CDKAL1: variants seen among roughly 807,000 people sequenced by gnomAD.
CDKAL1 encodes CDKAL1 threonylcarbamoyladenosine tRNA methylthiotransferase, also known as threonylcarbamoyladenosine tRNA methylthiotransferase.
CDKAL1 carries 32 observed loss-of-function variants against 68.2 expected under a neutral mutation model. The observed-to-expected ratio is 0.47, with a 90% CI of 0.35 to 0.63. The LOEUF is 0.63. Among genes scored for constraint, CDKAL1 ranks in the 30% least tolerant of loss-of-function variants. The probability of loss-of-function intolerance (pLI) is 0.00; values close to 1 mark genes in which losing one functional copy is unlikely to be tolerated. For missense variants in CDKAL1, 606 were observed against 696.7 expected, an observed-to-expected ratio of 0.87 and a Z score of 1.47; for synonymous variants, 234 against 244.3, an observed-to-expected ratio of 0.96 and a Z score of 0.39.
intron 5 of CDKAL1, among the ~76,000 whole-genome samples, chr6:20,665,385 C>T (rs1055438328): frequency 7.2e-5 from 11 of 152,030 alleles, no homozygotes; most frequent in African/African-American, 2.2e-4. Context: ...AATGCTTAGG[C>T]ACAAATATAC....
At chr6:20,970,845 T>C (rs1372962493) in intron 10 of CDKAL1, among the ~76,000 whole-genome samples, 1 of 152,154 alleles carries the variant, frequency 6.6e-6, no homozygotes, top group Admixed American at 6.5e-5. Context: ...TTCTGTTTTT[T>C]GTTTTGTTTT....
chr6:21,040,134 T>C (rs1420458390), intron 11 of CDKAL1, among the ~76,000 whole-genome samples: 1 of 152,232 alleles, frequency 6.6e-6, no homozygotes, highest in Non-Finnish European at 1.5e-5. Flanking sequence ...AATTTATGCA[T>C]GTGGATAGAC....
intron 12 of CDKAL1, among the ~76,000 whole-genome samples, chr6:21,086,264 A>C (rs1407331292): frequency 1.3e-5 from 2 of 152,212 alleles, no homozygotes; most frequent in African/African-American, 4.8e-5. Context: ...TGCTTCTTAA[A>C]TATTGTATCT....
At chr6:20,750,219 G>A (rs1773856032) in intron 6 of CDKAL1, among the ~76,000 whole-genome samples, 2 of 152,060 alleles carry the variant, frequency 1.3e-5, no homozygotes, top group African/African-American at 4.8e-5. Context: ...GGGACTGCAG[G>A]CACATGCCAC....
intron 9 of CDKAL1, among the ~76,000 whole-genome samples, chr6:20,868,151 A>ATT (rs1760007382): frequency 6.6e-6 from 1 of 152,220 alleles, no homozygotes; most frequent in Non-Finnish European, 1.5e-5. Context: ...GCATATAAAA[A>ATT]GGGAAATATC....
intron 9 of CDKAL1, among the ~76,000 whole-genome samples, chr6:20,924,572 G>A (rs1051923647): frequency 6.6e-6 from 1 of 152,210 alleles, no homozygotes; most frequent in Admixed American, 6.5e-5. Context: ...CTAGATAGAC[G>A]ATCAAACCAA....
intron 5 of CDKAL1, among the ~76,000 whole-genome samples, chr6:20,661,520 T>C (rs1769282824): frequency 6.6e-6 from 1 of 152,094 alleles, no homozygotes; most frequent in Non-Finnish European, 1.5e-5. Flanking sequence ...AATATTATCA[T>C]GTGATGTATG....
chr6:21,151,124 T>C (rs1776393236), intron 13 of CDKAL1, among the ~76,000 whole-genome samples: 2 of 152,154 alleles, frequency 1.3e-5, no homozygotes, highest in Non-Finnish European at 2.9e-5. Context: ...ACAATTTTAT[T>C]AGGGGTAGGA....
chr6:20,905,755 T>G (rs1762202902), intron 9 of CDKAL1, among the ~76,000 whole-genome samples: 1 of 151,980 alleles, frequency 6.6e-6, no homozygotes, highest in Non-Finnish European at 1.5e-5. Context: ...CTCAGAAACC[T>G]TGGAGCCCAG....
Position 21,232,020 on chromosome 6 carries a change from T to C in CDKAL1, c.*981T>C, listed in dbSNP as rs1243815658. On this transcript the variant is annotated 3_prime_UTR_variant, in exon 16 of 16. Coordinates refer to ENST00000274695, the MANE Select transcript of CDKAL1 (RefSeq NM_017774.3). ...TTTTTTTTGTTTTTGTTTTTTTTTT[T>C]TTTTGAGTCAAGGTCTCACTCTGTC... 6.7e-6 allele frequency: 1 copy of C among 149,662 alleles called. No homozygotes were observed. The highest frequency in any genetic ancestry group is 1.5e-5 in the Non-Finnish European group (1 of 67,432). The allele number at this position is 149,662 out of a possible 1,614,324, so 9.3% of individuals were successfully genotyped here.
rs146343812 is a variant in CDKAL1, at chr6:20,964,961, G to A, written c.909+9376G>A. Among the ~76,000 whole-genome samples the A allele has an allele frequency of 9.0e-3, 1,365 of 152,178 alleles. 11 individuals carry two copies. The highest frequency in any genetic ancestry group is 0.015 in the Non-Finnish European group (998 of 68,008). On this transcript the variant is annotated intron_variant, in intron 10 of 15. Transcript: ENST00000274695. ...TTTCGTGAGAGGAAAAGAACATAGGGATACCATGGTTGTCAAGATGATGAG... is the reference window on the plus strand; with the variant it reads ...TTTCGTGAGAGGAAAAGAACATAGGAATACCATGGTTGTCAAGATGATGAG...
intron 9 of CDKAL1, among the ~76,000 whole-genome samples, chr6:20,851,462 C>T (rs987096174): frequency 1.3e-5 from 2 of 152,120 alleles, no homozygotes; most frequent in Non-Finnish European, 1.5e-5. Flanking sequence ...GGAAACAACA[C>T]CTTTCACCGC....
intron 9 of CDKAL1, among the ~76,000 whole-genome samples, chr6:20,873,226 G>C (rs1760316341): frequency 6.6e-6 from 1 of 152,152 alleles, no homozygotes; most frequent in Non-Finnish European, 1.5e-5. Context: ...GAACTTAAGA[G>C]AGCATTTCAA....
chr6:21,072,817 C>T (rs9465963), intron 12 of CDKAL1, among the ~76,000 whole-genome samples: 132,023 of 152,052 alleles, frequency 0.87, 57,660 homozygotes, highest in East Asian at 1. Flanking sequence ...TTACAATCAA[C>T]GAACCTACAT....
chr6:20,809,007 T>C (rs1385655238), intron 8 of CDKAL1, among the ~76,000 whole-genome samples: 3 of 152,212 alleles, frequency 2.0e-5, no homozygotes, highest in African/African-American at 4.8e-5. Context: ...AAATCTTTTT[T>C]GAAGGCAAAG....
intron 9 of CDKAL1, among the ~76,000 whole-genome samples, chr6:20,876,656 A>G (rs1760533599): frequency 6.6e-6 from 1 of 152,198 alleles, no homozygotes; most frequent in South Asian, 2.1e-4. Flanking sequence ...GCAGACCTAG[A>G]TATGAATGCA....
At chr6:20,585,700 A>G (rs1765326479) in intron 4 of CDKAL1, among the ~76,000 whole-genome samples, 1 of 151,930 alleles carries the variant, frequency 6.6e-6, no homozygotes, top group South Asian at 2.1e-4. Context: ...TTCTCTTCCT[A>G]TTTCACTGGC....
intron 4 of CDKAL1, among the ~76,000 whole-genome samples, chr6:20,639,385 T>C (rs1250871155): frequency 2.0e-5 from 3 of 152,146 alleles, no homozygotes; most frequent in African/African-American, 7.2e-5. Flanking sequence ...CAGTTCATAC[T>C]CTTGAGAGTT....
At chr6:20,675,044 G>A (rs1030820732) in intron 5 of CDKAL1, among the ~76,000 whole-genome samples, 12 of 151,432 alleles carry the variant, frequency 7.9e-5, no homozygotes, top group East Asian at 5.8e-4. Context: ...AATTTACCTC[G>A]TGTTTCTGGA....
Sources: gnomAD v4.1 joint callset for allele counts (sites outside exome capture counted in the v4.1 genomes callset) on GRCh38, gnomAD v4.1.1 for gene constraint, MANE v1.5 for transcripts, NCBI Gene and HGNC (gene_info 2026-07-23, HGNC 2026-07-21) for gene names.